Variants in SLC7A2 observed in about 807,000 individuals in gnomAD.
The protein encoded by SLC7A2 is solute carrier family 7 member 2.
Under a neutral mutation model 58.9 loss-of-function variants are expected in SLC7A2, and 48 were observed. The ratio of observed to expected loss-of-function variants is 0.82; its 90% CI spans 0.65 to 1.04. SLC7A2 has a LOEUF of 1.04. Among genes scored for constraint, SLC7A2 ranks in the 50% least tolerant of loss-of-function variants. The pLI is 0.00. For missense variants in SLC7A2, 1,029 were observed against 818.8 expected (o/e 1.26, Z -3.13); for synonymous variants, 363 against 314.5 (o/e 1.15, Z -1.63).
At chr8:17,526,615 AAG>A (rs1192868262) in intron 2 of SLC7A2, among the ~76,000 whole-genome samples, 3 of 152,248 alleles carry the variant, frequency 2.0e-5, no homozygotes, top group Admixed American at 2.0e-4. Flanking sequence ...AAGTATGAGG[AAG>A]AGAGAAGAAG....
chr8:17,503,390 G>T (rs1017946813), intron 2 of SLC7A2, among the ~76,000 whole-genome samples: 6 of 152,144 alleles, frequency 3.9e-5, no homozygotes, highest in Admixed American at 3.9e-4. Flanking sequence ...CTTCAGAAGG[G>T]TGGCTTTTTC....
chr8:17,562,172 T>G, intron 11 of SLC7A2, 62 bp downstream of exon 11: 3 of 1,118,322 alleles, frequency 2.7e-6, no homozygotes, highest in Non-Finnish European at 3.6e-6. Flanking sequence ...ATAATTAGTT[T>G]GGTAAGTATT....
In SLC7A2 at chr8:17,563,716, G is replaced by C; in HGVS notation, c.1780+5G>C. On this transcript the variant is annotated splice_donor_5th_base_variant and intron_variant, in intron 12 of 12. Coordinates refer to ENST00000494857, the MANE Select transcript of SLC7A2 (RefSeq NM_001370338.1). ...TCAGCATTTGGATGGCAATTGGTAG[G>C]TCTTTTAATGTCGGGTTCTCTTTCC... 1 of 1,485,306 alleles carries C rather than the reference G, an allele frequency of 6.7e-7. No homozygotes were observed. Among genetic ancestry groups the C allele is most frequent in the South Asian group, 1.1e-5 (1 of 88,060 alleles). 92.0% of individuals were successfully genotyped at this position (1,485,306 alleles called of 1,614,324 possible).
rs544667492 is a variant in SLC7A2, at chr8:17,503,331, T to G, written c.-23+1029T>G. On this transcript the variant is annotated intron_variant, in intron 2 of 12. Transcript: ENST00000494857. ...TCCCAAAGTGCTGGGATTACAGGTG[T>G]GAGCCACCGCGCCCGGCTGAAAACA... Among the ~76,000 whole-genome samples the G allele has an allele frequency of 2.4e-3, 359 of 152,212 alleles. 1 individual carries two copies. The highest frequency in any genetic ancestry group is 8.2e-3 in the African/African-American group (341 of 41,522).
At chr8:17,542,134 G>T (rs1385649175) in intron 2 of SLC7A2, among the ~76,000 whole-genome samples, 2 of 152,092 alleles carry the variant, frequency 1.3e-5, no homozygotes, top group African/African-American at 4.8e-5. Flanking sequence ...GCCTTGAGAG[G>T]TGATTTTTTA....
At chr8:17,516,503 C>T (rs527860462) in intron 2 of SLC7A2, among the ~76,000 whole-genome samples, 129 of 152,312 alleles carry the variant, frequency 8.5e-4, no homozygotes, top group African/African-American at 2.8e-3. Flanking sequence ...GGATGACAGG[C>T]GTGAGCCACC....
rs546979653 is a variant in SLC7A2, at chr8:17,534,147, C to T, written c.-22-9171C>T. Among the ~76,000 whole-genome samples, 11 of 152,234 alleles carry T rather than the reference C, an allele frequency of 7.2e-5. No homozygotes were observed. In the South Asian group the frequency reaches 2.3e-3, roughly 32 times the overall value. ...CCATAGTGTGTATATACCACATTTT[C>T]TTTATCCTGTCTATTATTGATGGGC... On this transcript the variant is annotated intron_variant, in intron 2 of 12. Coordinates refer to ENST00000494857, the MANE Select transcript of SLC7A2 (RefSeq NM_001370338.1).
chr8:17,530,177 C>T (rs911536218), intron 2 of SLC7A2, among the ~76,000 whole-genome samples: 2 of 152,102 alleles, frequency 1.3e-5, no homozygotes, highest in South Asian at 2.1e-4. Context: ...CTACGTTCCC[C>T]CCTGCCCCCC....
At chr8:17,555,976 T>C (rs1802683494) in intron 8 of SLC7A2, among the ~76,000 whole-genome samples, 1 of 152,196 alleles carries the variant, frequency 6.6e-6, no homozygotes, top group Non-Finnish European at 1.5e-5. Context: ...TCTGAATTGT[T>C]AGGAAATTAG....
intron 2 of SLC7A2, among the ~76,000 whole-genome samples, chr8:17,503,191 C>T (rs1800233997): frequency 6.6e-6 from 1 of 151,976 alleles, no homozygotes; most frequent in South Asian, 2.1e-4. Context: ...GCTGGGACTA[C>T]AGGCGCCCGC....
At chr8:17,504,761 A>G (rs1281801021) in intron 2 of SLC7A2, among the ~76,000 whole-genome samples, 1 of 152,208 alleles carries the variant, frequency 6.6e-6, no homozygotes, top group Non-Finnish European at 1.5e-5. Context: ...CTGAAATTTT[A>G]CTGCAACTCT....
rs867213623 is a variant in SLC7A2, at chr8:17,505,918, G to A, written c.-23+3616G>A. On this transcript the variant is annotated intron_variant, in intron 2 of 12. Transcript: ENST00000494857. The stretch of plus-strand genomic sequence containing the variant: ...CAATGTAAAATAACTAACCCATAGC[G>A]TTTCCTTTTACAGTTAATGTTTGTT... Among the ~76,000 whole-genome samples the A allele has an allele frequency of 1.2e-4, 19 of 152,270 alleles. 1 individual carries two copies. The Middle Eastern group carries it at 0.014, about 109-fold the overall frequency.
At chr8:17,501,215 T>C (rs1031261614) in intron 1 of SLC7A2, among the ~76,000 whole-genome samples, 6 of 152,106 alleles carry the variant, frequency 3.9e-5, no homozygotes, top group Admixed American at 2.6e-4. Context: ...GGTTTCACCA[T>C]GTTGCCCAGG....
chr8:17,501,464 G>C (rs185556292), intron 1 of SLC7A2, among the ~76,000 whole-genome samples: 1 of 152,118 alleles, frequency 6.6e-6, no homozygotes, highest in Non-Finnish European at 1.5e-5. Context: ...TGTGGGTCAC[G>C]TCTCTTATTT....
At position 17,503,137 on chromosome 8, in the gene SLC7A2, G is replaced by A. The variant is rs1003599616; in HGVS notation, c.-23+835G>A. On this transcript the variant is annotated intron_variant, in intron 2 of 12. Transcript: ENST00000494857. The stretch of plus-strand genomic sequence containing the variant: ...GCGATCTCGGCTCGCTGCAAGCTCC[G>A]CCTCCCGGGTTCACGCCATTCTCCT... Among the ~76,000 whole-genome samples, 18 of 151,756 alleles carry A rather than the reference G, an allele frequency of 1.2e-4. No homozygotes were observed. In the East Asian group the frequency reaches 2.9e-3, roughly 25 times the overall value.
At chr8:17,546,976 G>A (rs1175355837) in intron 4 of SLC7A2, among the ~76,000 whole-genome samples, 1 of 151,904 alleles carries the variant, frequency 6.6e-6, no homozygotes, top group Non-Finnish European at 1.5e-5. Flanking sequence ...TTTTTTTCAA[G>A]GTAGAAACTA....
intron 2 of SLC7A2, among the ~76,000 whole-genome samples, chr8:17,515,563 G>A (rs141863376): frequency 1.8e-4 from 28 of 152,270 alleles, no homozygotes; most frequent in African/African-American, 6.7e-4. Flanking sequence ...ATACTGCTGG[G>A]ATTACAGGCG....
Position 17,558,411 on chromosome 8 carries a change from T to A in SLC7A2, c.1298+14T>A. ...TCTCATCCTCAGGTGAGTCACCTGG[T>A]GGTTCTACAGGGTGTACCATGCACG... On this transcript the variant is annotated intron_variant, in intron 9 of 12. Coordinates refer to ENST00000494857, the MANE Select transcript of SLC7A2 (RefSeq NM_001370338.1). 6.5e-7 allele frequency: 1 copy of A among 1,542,806 alleles called. No individual in the cohort carries two copies. Among genetic ancestry groups the A allele is most frequent in the Non-Finnish European group, 9.0e-7 (1 of 1,116,096 alleles).
At chr8:17,515,057 A>G (rs1369944602) in intron 2 of SLC7A2, among the ~76,000 whole-genome samples, 1 of 152,218 alleles carries the variant, frequency 6.6e-6, no homozygotes, top group Non-Finnish European at 1.5e-5. Context: ...CAAGGGTACC[A>G]GGAAAAGGGG....
Sources: gnomAD v4.1 joint callset for allele counts (sites outside exome capture counted in the v4.1 genomes callset) on GRCh38, gnomAD v4.1.1 for gene constraint, MANE v1.5 for transcripts, NCBI Gene and HGNC (gene_info 2026-07-23, HGNC 2026-07-21) for gene names.